The following GABRG3 variants were observed in gnomAD, a reference collection of about 807,000 sequenced individuals.
The protein encoded by GABRG3 is gamma-aminobutyric acid receptor subunit gamma-3.
In GABRG3, 25 loss-of-function variants were observed where a neutral mutation model predicts 48.8. The ratio of observed to expected loss-of-function variants is 0.51; its 90% CI spans 0.37 to 0.72. GABRG3 has a LOEUF of 0.72. Among genes scored for constraint, GABRG3 ranks in the 30% least tolerant of loss-of-function variants. GABRG3 has a pLI of 0.00. For missense variants in GABRG3, 394 were observed against 577.9 expected (o/e 0.68, Z 3.26); for synonymous variants, 227 against 217.6 (o/e 1.04, Z -0.38).
chr15:27,094,533 C>G (rs1476185978), intron 3 of GABRG3, among the ~76,000 whole-genome samples: 1 of 152,154 alleles, frequency 6.6e-6, no homozygotes, highest in Non-Finnish European at 1.5e-5. Flanking sequence ...CTAAGAAAAG[C>G]TTCTGGGCCT....
chr15:27,490,544 G>C (rs1225505961), intron 6 of GABRG3, among the ~76,000 whole-genome samples: 1 of 152,180 alleles, frequency 6.6e-6, no homozygotes, highest in African/African-American at 2.4e-5. Flanking sequence ...TTGCCAGCCA[G>C]GGTCAATCTC....
intron 3 of GABRG3, among the ~76,000 whole-genome samples, chr15:27,058,002 C>T (rs1393111641): frequency 1.3e-5 from 2 of 152,166 alleles, no homozygotes; most frequent in Admixed American, 6.5e-5. Flanking sequence ...TGTATACTCA[C>T]TCTCACAGTG....
intron 3 of GABRG3, among the ~76,000 whole-genome samples, chr15:27,174,672 A>G (rs1887689471): frequency 6.6e-6 from 1 of 150,990 alleles, no homozygotes; most frequent in African/African-American, 2.5e-5. Context: ...TATGTTTTCA[A>G]TGCATTTTAA....
At chr15:27,527,387 T>C (rs759516910) in intron 7 of GABRG3, 46 bp from the exon 8 acceptor site, 1 of 1,571,566 alleles carries the variant, frequency 6.4e-7, no homozygotes, top group Non-Finnish European at 8.7e-7. Flanking sequence ...GGGATTCCTG[T>C]TGCGTGTTGC....
At chr15:27,000,479 T>G (rs551926650) in intron 2 of GABRG3, among the ~76,000 whole-genome samples, 3 of 152,308 alleles carry the variant, frequency 2.0e-5, no homozygotes, top group African/African-American at 4.8e-5. Flanking sequence ...CATATTCAAT[T>G]GTAATTCCCA....
At position 27,433,993 on chromosome 15, in the gene GABRG3, G is replaced by A. The variant is rs117622307; in HGVS notation, c.575-46657G>A. 1.8e-3 allele frequency among the ~76,000 whole-genome samples: 278 copies of A among 152,288 alleles called. 6 individuals carry two copies. The East Asian group carries it at 0.048, about 26-fold the overall frequency. ...ACAATTCTTATAGGACTTTACACGA[G>A]CTCTTTTATTTGTAGCATTTTCCTC... On this transcript the variant is annotated intron_variant, in intron 5 of 9. Transcript: ENST00000615808.
In GABRG3 at chr15:27,145,618, T is replaced by TATCTATCTATCTATC. The variant is rs1555406010; in HGVS notation, c.270+118798_270+118812dup. Among the ~76,000 whole-genome samples the TATCTATCTATCTATC allele has an allele frequency of 2.8e-3, 409 of 145,826 alleles. 6 individuals are homozygous for TATCTATCTATCTATC. Among genetic ancestry groups the TATCTATCTATCTATC allele is most frequent in the Non-Finnish European group, 4.6e-3 (307 of 67,010 alleles). ...ATATATCTATCTCTATCTATCTATCTATCTATCTATCTATCTATCTATCTA... is the reference window on the plus strand; with the variant it reads ...ATATATCTATCTCTATCTATCTATCTATCTATCTATCTATCATCTATCTATCTATCTATCTATCTA... On this transcript the variant is annotated intron_variant, in intron 3 of 9. Transcript: ENST00000615808.
chr15:27,056,239 T>C (rs534697474), intron 3 of GABRG3, among the ~76,000 whole-genome samples: 114 of 150,040 alleles, frequency 7.6e-4, no homozygotes, highest in African/African-American at 2.7e-3. Flanking sequence ...TAGTCCCAGC[T>C]ACTTGGGAGG....
At chr15:27,401,125 A>G (rs537783010) in intron 5 of GABRG3, among the ~76,000 whole-genome samples, 2 of 152,322 alleles carry the variant, frequency 1.3e-5, no homozygotes, top group East Asian at 1.9e-4. Context: ...TCGTATTACA[A>G]TGATTGCAGG....
At chr15:27,442,489 C>G (rs537867427) in intron 5 of GABRG3, among the ~76,000 whole-genome samples, 28 of 152,326 alleles carry the variant, frequency 1.8e-4, no homozygotes, top group African/African-American at 5.0e-4. Flanking sequence ...CTCCGGGCGG[C>G]ACAAGCCCTG....
At chr15:27,388,135 AG>A (rs1161006032) in intron 5 of GABRG3, among the ~76,000 whole-genome samples, 6 of 89,514 alleles carry the variant, frequency 6.7e-5, no homozygotes, top group Admixed American at 1.1e-4. Flanking sequence ...GAAAGGAGGG[AG>A]GGAGGGTAAG....
intron 9 of GABRG3, among the ~76,000 whole-genome samples, chr15:27,528,397 A>T (rs895951124): frequency 6.6e-6 from 1 of 152,254 alleles, no homozygotes; most frequent in Non-Finnish European, 1.5e-5. Context: ...TTTAATGACC[A>T]TATCATATGC....
Position 27,180,746 on chromosome 15 carries a change from A to G in GABRG3, c.271-146063A>G, listed in dbSNP as rs141049743. Among the ~76,000 whole-genome samples the G allele has an allele frequency of 1.3e-3, 191 of 152,262 alleles. 1 individual carries two copies. Among genetic ancestry groups the G allele is most frequent in the African/African-American group, 4.4e-3 (183 of 41,542 alleles). On this transcript the variant is annotated intron_variant, in intron 3 of 9. Coordinates refer to ENST00000615808, the MANE Select transcript of GABRG3 (RefSeq NM_033223.5). The surrounding 1 kb of genome is among the most constrained non-coding windows in gnomAD (Gnocchi z 4.2). ...TTCTTTAATTATTTTACTAATTTCT[A>G]CTTGATACCTCCTGGCCCTAAATCC... is the stretch of plus-strand genomic sequence containing the variant.
rs1473235651 is a variant in GABRG3 at position 27,319,448 on chromosome 15, C to T, written c.271-7361C>T. Among the ~76,000 whole-genome samples, 1 of 152,210 alleles carries T rather than the reference C, an allele frequency of 6.6e-6. No homozygotes were observed. The highest frequency in any genetic ancestry group is 1.5e-5 in the Non-Finnish European group (1 of 68,046). On this transcript the variant is annotated intron_variant, in intron 3 of 9. Transcript: ENST00000615808. This position sits in a 1 kb window ranked among gnomAD's most constrained non-coding sequence, Gnocchi z 4.4. ...ACCAACACAGGTCACTGCTGACCAG[C>T]ACTGTGGTGGGGCAGTCTCTATGCG...
chr15:27,505,203 C>T (rs1890733509), intron 6 of GABRG3, among the ~76,000 whole-genome samples: 1 of 152,130 alleles, frequency 6.6e-6, no homozygotes, highest in Non-Finnish European at 1.5e-5. Flanking sequence ...ATGTCCTCAA[C>T]TTGGTCTTGT....
intron 3 of GABRG3, among the ~76,000 whole-genome samples, chr15:27,145,622 T>TATCTATCTATCTATC (rs1566946630): frequency 6.9e-6 from 1 of 144,800 alleles, no homozygotes; most frequent in African/African-American, 2.6e-5. Context: ...TCTATCTATC[T>TATCTATCTATCTATC]ATCTATCTAT....
intron 3 of GABRG3, among the ~76,000 whole-genome samples, chr15:27,099,574 A>C (rs1308345274): frequency 1.3e-5 from 2 of 152,160 alleles, no homozygotes; most frequent in African/African-American, 4.8e-5. Flanking sequence ...TGACACTCTA[A>C]AGTGCTGGGG....
At chr15:27,311,218 G>A (rs1260779765) in intron 3 of GABRG3, among the ~76,000 whole-genome samples, 2 of 152,092 alleles carry the variant, frequency 1.3e-5, no homozygotes, top group African/African-American at 2.4e-5. Context: ...TAGCTGAGAG[G>A]CTTCTGCACC....
intron 5 of GABRG3, among the ~76,000 whole-genome samples, chr15:27,347,543 T>C (rs936217816): frequency 4.5e-4 from 69 of 152,216 alleles, no homozygotes; most frequent in African/African-American, 1.5e-3. Flanking sequence ...TCTGGTAAGA[T>C]CTTTCTCTGC....
Sources: allele counts gnomAD v4.1 joint callset (sites outside exome capture counted in the v4.1 genomes callset), GRCh38; gene constraint gnomAD v4.1.1; non-coding constraint Gnocchi (gnomAD v3.1); transcripts MANE v1.5; gene names NCBI Gene and HGNC (gene_info 2026-07-23, HGNC 2026-07-21).